The following KIAA1191 variants were observed in gnomAD, a reference collection of about 807,000 sequenced individuals.
KIAA1191 encodes the protein KIAA1191.
A neutral mutation model predicts 31.1 loss-of-function variants in KIAA1191; 22 were observed. The observed-to-expected ratio is 0.71, with a 90% CI of 0.51 to 1.01. The LOEUF (loss-of-function observed/expected upper bound fraction) is 1.01. KIAA1191 is among the 50% of genes least tolerant of loss of function. The pLI, the probability that KIAA1191 is intolerant of heterozygous loss-of-function variation, is 0.00. For missense variants in KIAA1191, 319 were observed against 388.0 expected (o/e 0.82, Z 1.49); for synonymous variants, 130 against 143.9 (o/e 0.90, Z 0.69).
At chr5:176,350,817 T>C in intron 5 of KIAA1191, 80 bp from the exon 6 acceptor site, 1 of 1,545,212 alleles carries the variant, frequency 6.5e-7, no homozygotes, top group Non-Finnish European at 8.8e-7. Context: ...ATATCTACTA[T>C]TCTCCCCAGA....
chr5:176,352,359 G>A (rs1767107697), intron 5 of KIAA1191, among the ~76,000 whole-genome samples: 1 of 152,094 alleles, frequency 6.6e-6, no homozygotes, highest in African/African-American at 2.4e-5. Context: ...CTTGCCCAAG[G>A]CCACAGTGAC....
At chr5:176,352,057 C>A (rs913037495) in intron 5 of KIAA1191, among the ~76,000 whole-genome samples, 2 of 151,308 alleles carry the variant, frequency 1.3e-5, no homozygotes, top group African/African-American at 2.4e-5. Context: ...AATCCAAGTT[C>A]TCATATCAGG....
intron 5 of KIAA1191, among the ~76,000 whole-genome samples, chr5:176,351,896 C>G (rs1289134467): frequency 5.9e-5 from 9 of 152,026 alleles, no homozygotes; most frequent in African/African-American, 2.2e-4. Flanking sequence ...CAAAAATGAG[C>G]CAACCAAGGA....
chr5:176,356,892 A>G (rs771478627), intron 3 of KIAA1191, among the ~76,000 whole-genome samples: 1 of 152,350 alleles, frequency 6.6e-6, no homozygotes. Context: ...TATTGCTATT[A>G]GTAATAATTA....
At chr5:176,358,516 G>A (rs761560531) in intron 3 of KIAA1191, among the ~76,000 whole-genome samples, 6 of 151,934 alleles carry the variant, frequency 3.9e-5, no homozygotes, top group Non-Finnish European at 7.4e-5. Flanking sequence ...AGGAGTTTGA[G>A]ACCAGCCTGG....
chr5:176,351,703 A>G (rs987963273), intron 5 of KIAA1191, among the ~76,000 whole-genome samples: 2 of 151,840 alleles, frequency 1.3e-5, no homozygotes. Flanking sequence ...GGTTGTGGTG[A>G]GCTGAGACCA....
Position 176,347,911 on chromosome 5 carries a change from G to T in KIAA1191, c.709+10C>A. 1 of 1,613,984 alleles carries T rather than the reference G, an allele frequency of 6.2e-7. No individual in the cohort carries two copies. Among genetic ancestry groups the T allele is most frequent in the Admixed American group, 1.7e-5 (1 of 59,966 alleles). ...CCATGCTGCTCTCTTTTTTGAAGGT[G>T]CTGCCTTACCAGAATCGTACTTCTG... On this transcript the variant is annotated intron_variant, in intron 8 of 8. Coordinates refer to ENST00000298569, the MANE Select transcript of KIAA1191 (RefSeq NM_020444.5).
At chr5:176,350,854 A>G in intron 5 of KIAA1191, 117 bp from the exon 6 acceptor site, 2 of 1,270,440 alleles carry the variant, frequency 1.6e-6, no homozygotes. Context: ...GACCATTCAA[A>G]GAAGAGGAGA....
chr5:176,360,373 G>A (rs1486788391), intron 1 of KIAA1191, among the ~76,000 whole-genome samples: 1 of 151,676 alleles, frequency 6.6e-6, no homozygotes, highest in African/African-American at 2.4e-5. Context: ...AGCCAGGATG[G>A]TCTTGATCTC....
intron 1 of KIAA1191, among the ~76,000 whole-genome samples, chr5:176,360,496 C>T (rs1767905175): frequency 6.6e-6 from 1 of 151,564 alleles, no homozygotes; most frequent in South Asian, 2.1e-4. Flanking sequence ...AAAGGCTATC[C>T]CAAATTTAAA....
At chr5:176,354,406 C>T (rs544902413) in intron 4 of KIAA1191, 4 of 152,326 alleles carry the variant, frequency 2.6e-5, no homozygotes, top group Admixed American at 1.3e-4. Flanking sequence ...AACAGCCTTA[C>T]GTGAACTTGG....
chr5:176,359,372 T>A, intron 3 of KIAA1191, 109 bp downstream of exon 3: 1 of 969,372 alleles, frequency 1.0e-6, no homozygotes, highest in Non-Finnish European at 1.6e-6. Context: ...AATACTCGCT[T>A]GGTAGCAGAG....
At position 176,355,500 on chromosome 5, in the gene KIAA1191, C is replaced by A; in HGVS notation, c.207+71G>T. 6.7e-7 allele frequency: 1 copy of A among 1,488,622 alleles called. No individual in the cohort carries two copies. The highest frequency in any genetic ancestry group is 9.2e-7 in the Non-Finnish European group (1 of 1,088,704). The allele number at this position is 1,488,622 out of a possible 1,614,324, so 92.2% of individuals were successfully genotyped here. On this transcript the variant is annotated intron_variant, in intron 4 of 8. Coordinates refer to ENST00000298569, the MANE Select transcript of KIAA1191 (RefSeq NM_020444.5). The surrounding 1 kb of genome is among the most constrained non-coding windows in gnomAD (Gnocchi z 4.2). ...CCAGTCCCATGGGCACAGGGAGCCACTGAAGGCTTCTGGAGCAGAGGAAGG... is the reference window on the plus strand; with the variant it reads ...CCAGTCCCATGGGCACAGGGAGCCAATGAAGGCTTCTGGAGCAGAGGAAGG...
intron 2 of KIAA1191, 74 bp from the exon 3 acceptor site, chr5:176,359,641 TGAACGGC>T (rs1239998871): frequency 4.9e-5 from 36 of 737,364 alleles, no homozygotes; most frequent in Middle Eastern, 4.8e-4. Flanking sequence ...CACACAGAAT[TGAACGGC>T]TTGTTTACAA....
At chr5:176,360,261 A>G (rs1767883052) in intron 1 of KIAA1191, among the ~76,000 whole-genome samples, 1 of 145,460 alleles carries the variant, frequency 6.9e-6, no homozygotes, top group Non-Finnish European at 1.5e-5. Context: ...GGTTCACGCC[A>G]TTCTCCTGCC....
chr5:176,348,198 C>T lies in KIAA1191; in HGVS notation c.566+52G>A, dbSNP rs1180884255. 8.7e-6 allele frequency: 14 copies of T among 1,601,482 alleles called. No individual in the cohort carries two copies. In the East Asian group the frequency reaches 1.8e-4, roughly 20 times the overall value. ...CTTAAATACAACCTCATCTGCCACACTAGCTTTCCTGAAGCACGCAGGAAC... is the reference window on the plus strand; with the variant it reads ...CTTAAATACAACCTCATCTGCCACATTAGCTTTCCTGAAGCACGCAGGAAC... On this transcript the variant is annotated intron_variant, in intron 7 of 8. Coordinates refer to ENST00000298569, the MANE Select transcript of KIAA1191 (RefSeq NM_020444.5).
chr5:176,347,633 A>G lies in KIAA1191; in HGVS notation c.885T>C (p.Arg295=). ...QPPRAHNLKP[R]DLNVLTPTGF Reference sequence around the variant, plus strand: ...CAGTGGGTGTGAGCACATTCAGGTCACGGGGTTTGAGGTTATGGGCCCGTG... The same window carrying G: ...CAGTGGGTGTGAGCACATTCAGGTCGCGGGGTTTGAGGTTATGGGCCCGTG... The change falls in exon 9 of 9, where the codon CGT becomes CGC. Residue 295 remains arginine (R), a synonymous_variant. Transcript: ENST00000298569. 6.5e-7 allele frequency: 1 copy of G among 1,534,900 alleles called. No individual in the cohort carries two copies. Among genetic ancestry groups the G allele is most frequent in the South Asian group, 1.3e-5 (1 of 76,926 alleles).
chr5:176,357,454 A>G (rs1483563639), intron 3 of KIAA1191, among the ~76,000 whole-genome samples: 1 of 150,558 alleles, frequency 6.6e-6, no homozygotes, highest in Non-Finnish European at 1.5e-5. Flanking sequence ...ACACAAGCAA[A>G]TAATAATTAC....
chr5:176,355,560 G>A lies in KIAA1191; in HGVS notation c.207+11C>T. The A allele has an allele frequency of 1.2e-6, 2 of 1,601,566 alleles. No homozygotes were observed. The highest frequency in any genetic ancestry group is 8.5e-7 in the Non-Finnish European group (1 of 1,171,492). ...TTGCGTATGCCAGAAATGGCCAGCAGGGTCAGATACCTTGGCGAGGTGCTG... is the reference window on the plus strand; with the variant it reads ...TTGCGTATGCCAGAAATGGCCAGCAAGGTCAGATACCTTGGCGAGGTGCTG... On this transcript the variant is annotated intron_variant, in intron 4 of 8. Transcript: ENST00000298569. This position sits in a 1 kb window ranked among gnomAD's most constrained non-coding sequence, Gnocchi z 4.2.
Sources: allele counts gnomAD v4.1 joint callset (sites outside exome capture counted in the v4.1 genomes callset), GRCh38; gene constraint gnomAD v4.1.1; non-coding constraint Gnocchi (gnomAD v3.1); transcripts MANE v1.5; gene names NCBI Gene and HGNC (gene_info 2026-07-23, HGNC 2026-07-21).